The following ARNT2 variants were observed in gnomAD, a reference collection of about 807,000 sequenced individuals.
ARNT2 encodes the protein aryl hydrocarbon receptor nuclear translocator 2.
In ARNT2, 36 loss-of-function variants were observed where a neutral mutation model predicts 91.7. The ratio of observed to expected loss-of-function variants is 0.39; its 90% CI spans 0.30 to 0.52. ARNT2 has a LOEUF of 0.52. Among genes scored for constraint, ARNT2 ranks in the 20% least tolerant of loss-of-function variants. The pLI is 0.72. For missense variants in ARNT2, 775 were observed against 939.3 expected, an observed-to-expected ratio of 0.83 and a Z score of 2.29; for synonymous variants, 365 against 347.1, an observed-to-expected ratio of 1.05 and a Z score of -0.57.
intron 1 of ARNT2, among the ~76,000 whole-genome samples, chr15:80,450,498 G>A (rs888875920): frequency 7.2e-5 from 11 of 152,194 alleles, no homozygotes; most frequent in African/African-American, 2.7e-4. Flanking sequence ...GCCCCATCTG[G>A]GTTACCAGGA....
intron 1 of ARNT2, among the ~76,000 whole-genome samples, chr15:80,410,114 G>A (rs1471671784): frequency 1.3e-5 from 2 of 152,140 alleles, no homozygotes; most frequent in Non-Finnish European, 1.5e-5. Flanking sequence ...GGACTGAAGC[G>A]GGAGGAAAAG....
chr15:80,573,369 A>G (rs898807490), intron 12 of ARNT2, among the ~76,000 whole-genome samples: 3 of 152,170 alleles, frequency 2.0e-5, no homozygotes, highest in African/African-American at 7.2e-5. Context: ...GTCTGTTCAT[A>G]TGCTTTAAAT....
At chr15:80,496,966 G>A (rs1301685733) in intron 5 of ARNT2, among the ~76,000 whole-genome samples, 1 of 152,144 alleles carries the variant, frequency 6.6e-6, no homozygotes, top group Non-Finnish European at 1.5e-5. Flanking sequence ...GTATGTATGC[G>A]AGGCACCCTG....
At chr15:80,508,326 C>T (rs1897301115) in intron 6 of ARNT2, 68 bp downstream of exon 6, 4 of 1,509,560 alleles carry the variant, frequency 2.6e-6, no homozygotes, top group Non-Finnish European at 2.8e-6. Context: ...CCGTTAAGAG[C>T]CTTGACCAGC....
intron 5 of ARNT2, chr15:80,488,008 A>G (rs921562696): frequency 6.6e-6 from 1 of 152,234 alleles, no homozygotes; most frequent in East Asian, 1.9e-4. Flanking sequence ...CATTTTATGT[A>G]CACATCCAAC....
At chr15:80,508,110 C>T in intron 5 of ARNT2, 46 bp from the exon 6 acceptor site, 1 of 1,593,680 alleles carries the variant, frequency 6.3e-7, no homozygotes, top group Non-Finnish European at 8.6e-7. Context: ...CTCCATCTCC[C>T]AACCGAAGGC....
chr15:80,520,165 T>C (rs1365738146), intron 8 of ARNT2, among the ~76,000 whole-genome samples: 2 of 152,116 alleles, frequency 1.3e-5, no homozygotes, highest in African/African-American at 4.8e-5. Context: ...CAATTCTGTA[T>C]TCTGAAGATA....
intron 12 of ARNT2, among the ~76,000 whole-genome samples, chr15:80,565,262 T>C (rs1319958134): frequency 6.6e-6 from 1 of 152,248 alleles, no homozygotes; most frequent in Admixed American, 6.5e-5. Context: ...GATGGGCACC[T>C]GGATTTGTTC....
intron 5 of ARNT2, among the ~76,000 whole-genome samples, chr15:80,499,820 C>CT (rs1897167138): frequency 6.6e-6 from 1 of 152,060 alleles, no homozygotes; most frequent in Non-Finnish European, 1.5e-5. Flanking sequence ...GATGGCAGCT[C>CT]TTTTTTTGAC....
At chr15:80,425,125 G>A (rs1370111639) in intron 1 of ARNT2, among the ~76,000 whole-genome samples, 4 of 152,138 alleles carry the variant, frequency 2.6e-5, no homozygotes, top group Non-Finnish European at 4.4e-5. Context: ...TTGTTTTATC[G>A]AAGAGCTGCT....
intron 6 of ARNT2, among the ~76,000 whole-genome samples, chr15:80,509,308 G>T (rs1430955560): frequency 1.3e-5 from 2 of 151,990 alleles, no homozygotes; most frequent in Non-Finnish European, 2.9e-5. Flanking sequence ...TGGATGTGGT[G>T]GCACACACCT....
chr15:80,513,919 A>G lies in ARNT2; in HGVS notation c.734A>G (p.Asn245Ser), dbSNP rs141955953. ...CACTTGTCACATCTTAGGTGTGGAA[A>G]TGCTCCTTTGGACCACCTTCCTCTA... ...RSFICRMRCG[N>S]APLDHLPLNR... Residue 245 changes from asparagine (N) to serine (S), a missense_variant, in exon 7 of 19, where the codon AAT becomes AGT. By Grantham distance (46) the Asn-to-Ser change is conservative. Coordinates refer to ENST00000303329, the MANE Select transcript of ARNT2 (RefSeq NM_014862.4). 2 of 1,613,286 alleles carry G rather than the reference A, an allele frequency of 1.2e-6. No individual in the cohort carries two copies. The highest frequency in any genetic ancestry group is 1.7e-6 in the Non-Finnish European group (2 of 1,179,386).
chr15:80,517,159 G>GT (rs1035415193), intron 8 of ARNT2, among the ~76,000 whole-genome samples: 7 of 151,706 alleles, frequency 4.6e-5, no homozygotes, highest in Non-Finnish European at 1.0e-4. Context: ...TCTGTTTTTG[G>GT]TTTTTTGTAG....
intron 1 of ARNT2, among the ~76,000 whole-genome samples, chr15:80,449,546 G>A (rs1896356824): frequency 6.6e-6 from 1 of 151,954 alleles, no homozygotes; most frequent in African/African-American, 2.4e-5. Context: ...GTGTACCTTG[G>A]TTTAAAAAAC....
At position 80,422,034 on chromosome 15, in the gene ARNT2, G is replaced by A. The variant is rs557334536; in HGVS notation, c.31+17488G>A. Among the ~76,000 whole-genome samples the A allele has an allele frequency of 2.6e-5, 4 of 152,352 alleles. No individual in the cohort carries two copies. The East Asian group carries it at 7.7e-4, about 29-fold the overall frequency. On this transcript the variant is annotated intron_variant, in intron 1 of 18. Transcript: ENST00000303329. Reference sequence around the variant, plus strand: ...AAGAAATTACAGAGAATTCAGCACAGAATCAGAGTTCAAAAATATAAAAGA... The same window carrying A: ...AAGAAATTACAGAGAATTCAGCACAAAATCAGAGTTCAAAAATATAAAAGA...
intron 8 of ARNT2, among the ~76,000 whole-genome samples, chr15:80,531,638 G>T (rs1897742463): frequency 6.6e-6 from 1 of 152,168 alleles, no homozygotes; most frequent in African/African-American, 2.4e-5. Context: ...CCAACCATGT[G>T]GCATCCTCAT....
At chr15:80,536,181 A>C (rs1209070233) in intron 8 of ARNT2, among the ~76,000 whole-genome samples, 1 of 152,218 alleles carries the variant, frequency 6.6e-6, no homozygotes, top group African/African-American at 2.4e-5. Flanking sequence ...GCAGAGGTTT[A>C]ACAGGCAAAA....
intron 8 of ARNT2, among the ~76,000 whole-genome samples, chr15:80,540,026 C>T (rs1878857635): frequency 6.6e-6 from 1 of 151,980 alleles, no homozygotes; most frequent in Non-Finnish European, 1.5e-5. Context: ...ATCCAGCAAT[C>T]CCACTACTGG....
At chr15:80,581,178 G>A (rs780458514) in intron 16 of ARNT2, 61 bp from the exon 17 acceptor site, 31 of 1,594,750 alleles carry the variant, frequency 1.9e-5, no homozygotes, top group African/African-American at 2.7e-5. Context: ...CTGGGGCATC[G>A]GTTGGGGTGC....
Sources: allele counts gnomAD v4.1 joint callset (sites outside exome capture counted in the v4.1 genomes callset), GRCh38; gene constraint gnomAD v4.1.1; transcripts MANE v1.5; gene names NCBI Gene and HGNC (gene_info 2026-07-23, HGNC 2026-07-21).